The following TBC1D2 variants were observed in gnomAD, a reference collection of about 807,000 sequenced individuals.
TBC1D2 encodes TBC1 domain family member 2A.
Under a neutral mutation model 91.1 loss-of-function variants are expected in TBC1D2, and 58 were observed. The observed-to-expected ratio is 0.64, with a 90% CI of 0.52 to 0.79. TBC1D2 has a LOEUF of 0.79. Among genes scored for constraint, TBC1D2 ranks in the 30% least tolerant of loss-of-function variants. TBC1D2 has a pLI of 0.00. For synonymous variants in TBC1D2, 482 were observed against 511.5 expected (o/e 0.94, Z 0.78); for missense variants, 1,080 against 1,208.3 (o/e 0.89, Z 1.57).
chr9:98,203,470 G>A, intron 9 of TBC1D2, 62 bp from the exon 10 acceptor site: 15 of 1,595,202 alleles, frequency 9.4e-6, no homozygotes, highest in Non-Finnish European at 1.0e-5. Context: ...GGCAGCACAT[G>A]GCAGAGGTGG....
At chr9:98,225,535 C>T (rs1245331200) in intron 5 of TBC1D2, among the ~76,000 whole-genome samples, 3 of 152,172 alleles carry the variant, frequency 2.0e-5, no homozygotes, top group African/African-American at 7.2e-5. Flanking sequence ...GGTTAGGGCC[C>T]CAATCCTGGC....
At chr9:98,200,414 C>T in intron 11 of TBC1D2, 40 bp from the exon 12 acceptor site, 4 of 1,561,190 alleles carry the variant, frequency 2.6e-6, no homozygotes, top group Admixed American at 3.8e-5. Flanking sequence ...CATGGGGGGG[C>T]CAGGCAGGTC....
Position 98,213,230 on chromosome 9 carries a change from A to G in TBC1D2, c.1375-12T>C. On this transcript the variant is annotated splice_polypyrimidine_tract_variant and intron_variant, in intron 6 of 12. Coordinates refer to ENST00000465784, the MANE Select transcript of TBC1D2 (RefSeq NM_001267571.2). ...GCTTCCATGTCATCCTGGAGAAGAG[A>G]GTAAAATATGTTATCAGTTGGACAT... 2.5e-6 allele frequency: 4 copies of G among 1,614,070 alleles called. No individual in the cohort carries two copies. The highest frequency in any genetic ancestry group is 3.4e-6 in the Non-Finnish European group (4 of 1,179,986).
intron 2 of TBC1D2, among the ~76,000 whole-genome samples, chr9:98,245,013 G>C (rs957239888): frequency 2.0e-5 from 3 of 152,134 alleles, no homozygotes; most frequent in African/African-American, 7.2e-5. Flanking sequence ...GGCTGAGGCA[G>C]GCAGATCATG....
At chr9:98,216,381 G>A (rs12347046) in intron 6 of TBC1D2, among the ~76,000 whole-genome samples, 5 of 147,008 alleles carry the variant, frequency 3.4e-5, no homozygotes, top group East Asian at 2.3e-4. Flanking sequence ...AAGCCCCCCC[G>A]CAAGGGAGGA....
intron 1 of TBC1D2, among the ~76,000 whole-genome samples, chr9:98,254,739 C>T (rs973822442): frequency 6.6e-5 from 10 of 152,184 alleles, no homozygotes; most frequent in African/African-American, 1.9e-4. Flanking sequence ...TATCAAGAAA[C>T]GGGAATCAGA....
intron 2 of TBC1D2, among the ~76,000 whole-genome samples, chr9:98,246,940 A>C (rs1219252511): frequency 6.6e-6 from 1 of 152,072 alleles, no homozygotes; most frequent in Non-Finnish European, 1.5e-5. Context: ...CAGGAGGCTG[A>C]AGAACCAAAC....
chr9:98,212,961 G>T, intron 7 of TBC1D2, 147 bp downstream of exon 7: 1 of 813,792 alleles, frequency 1.2e-6, no homozygotes, highest in Non-Finnish European at 1.9e-6. Context: ...GTCTGGAGAA[G>T]AACCTGATAT....
At chr9:98,216,383 A>G (rs1223031096) in intron 6 of TBC1D2, among the ~76,000 whole-genome samples, 1 of 149,430 alleles carries the variant, frequency 6.7e-6, no homozygotes, top group Non-Finnish European at 1.5e-5. Context: ...GCCCCCCCGC[A>G]AGGGAGGAAA....
chr9:98,223,884 C>A (rs141684684), intron 5 of TBC1D2, among the ~76,000 whole-genome samples: 1,730 of 152,280 alleles, frequency 0.011, 36 homozygotes, highest in African/African-American at 0.039. Flanking sequence ...GGATTATAAG[C>A]AATGTCTTAG....
chr9:98,248,836 C>G (rs944301126), intron 2 of TBC1D2, among the ~76,000 whole-genome samples: 1 of 152,128 alleles, frequency 6.6e-6, no homozygotes, highest in Admixed American at 6.5e-5. Flanking sequence ...TTATAAGTCT[C>G]GTGGGTTCCC....
At chr9:98,225,228 G>A (rs1033595674) in intron 5 of TBC1D2, among the ~76,000 whole-genome samples, 2 of 152,168 alleles carry the variant, frequency 1.3e-5, no homozygotes, top group Non-Finnish European at 2.9e-5. Context: ...CAGAGCAGAC[G>A]GCCTTCAGGC....
chr9:98,227,785 A>C (rs1268995063), intron 5 of TBC1D2, among the ~76,000 whole-genome samples: 1 of 150,722 alleles, frequency 6.6e-6, no homozygotes, highest in East Asian at 1.9e-4. Context: ...CTGTCTCAAA[A>C]AAAAAAAAAA....
chr9:98,242,803 C>CTTT (rs36035887), intron 3 of TBC1D2, among the ~76,000 whole-genome samples: 3,042 of 83,098 alleles, frequency 0.037, 549 homozygotes, highest in East Asian at 0.062. Flanking sequence ...ACACTGCTGC[C>CTTT]TTTTTTTTTT....
At chr9:98,222,437 C>A (rs1829122590) in intron 5 of TBC1D2, among the ~76,000 whole-genome samples, 1 of 152,228 alleles carries the variant, frequency 6.6e-6, no homozygotes, top group Admixed American at 6.5e-5. Context: ...CCAGCCGATG[C>A]CTGCAAAGCT....
In TBC1D2 at chr9:98,199,071, C is replaced by T. The variant is rs114964918; in HGVS notation, c.*310G>A. On this transcript the variant is annotated 3_prime_UTR_variant, in exon 13 of 13. Coordinates refer to ENST00000465784, the MANE Select transcript of TBC1D2 (RefSeq NM_001267571.2). ...TTACATTGTTTTATATTGATATAACCTAGAGAATGTTCCAGGTTACCCTAT... is the reference window on the plus strand; with the variant it reads ...TTACATTGTTTTATATTGATATAACTTAGAGAATGTTCCAGGTTACCCTAT... 2.0e-3 allele frequency: 1,074 copies of T among 531,692 alleles called. 5 individuals are homozygous for T. Among genetic ancestry groups the T allele is most frequent in the African/African-American group, 0.019 (990 of 52,818 alleles). The allele number at this position is 531,692 out of a possible 1,614,324, so 32.9% of individuals were successfully genotyped here. A position where few individuals can be genotyped will look rare whatever the true frequency, so the allele number is the denominator to read the frequency against.
At position 98,199,150 on chromosome 9, in the gene TBC1D2, C is replaced by G; in HGVS notation, c.*231G>C. ...CCAAAGTGCTCTGTGGAAGAGGTGA[C>G]GAAAGGGTGGCATCCCTGGGTAAGT... is the stretch of plus-strand genomic sequence containing the variant. On this transcript the variant is annotated 3_prime_UTR_variant, in exon 13 of 13. Coordinates refer to ENST00000465784, the MANE Select transcript of TBC1D2 (RefSeq NM_001267571.2). 1 of 602,120 alleles carries G rather than the reference C, an allele frequency of 1.7e-6. No homozygotes were observed. Among genetic ancestry groups the G allele is most frequent in the Non-Finnish European group, 3.0e-6 (1 of 338,760 alleles). The allele number at this position is 602,120 out of a possible 1,614,324, so 37.3% of individuals were successfully genotyped here.
intron 5 of TBC1D2, among the ~76,000 whole-genome samples, chr9:98,224,069 G>A (rs1213077743): frequency 3.3e-5 from 5 of 151,960 alleles, no homozygotes; most frequent in South Asian, 4.2e-4. Flanking sequence ...GCGTGGTGGC[G>A]GGTGCCTGTA....
Position 98,220,991 on chromosome 9 carries a change from G to A in TBC1D2, c.1216C>T (p.Leu406=). The A allele has an allele frequency of 6.2e-7, 1 of 1,614,216 alleles. No homozygotes were observed. The highest frequency in any genetic ancestry group is 8.5e-7 in the Non-Finnish European group (1 of 1,180,036). ...TTGGCGTGGTTCTTGTCCATAAGCAGCTGCACGTGCTGCTGTAGCTCCTGC... is the reference window on the plus strand; with the variant it reads ...TTGGCGTGGTTCTTGTCCATAAGCAACTGCACGTGCTGCTGTAGCTCCTGC... ...QVQELQQHVQ[L]LMDKNHAKQQ... Residue 406 remains leucine (L), a synonymous_variant, in exon 6 of 13, where the codon CTG becomes TTG. Coordinates refer to ENST00000465784, the MANE Select transcript of TBC1D2 (RefSeq NM_001267571.2).
Sources: gnomAD v4.1 joint callset for allele counts (sites outside exome capture counted in the v4.1 genomes callset) on GRCh38, gnomAD v4.1.1 for gene constraint, MANE v1.5 for transcripts, NCBI Gene and HGNC (gene_info 2026-07-23, HGNC 2026-07-21) for gene names.